HEPHL1: variants seen among roughly 807,000 people sequenced by gnomAD.
The protein encoded by HEPHL1 is hephaestin like 1.
HEPHL1 carries 123 observed loss-of-function variants against 122.0 expected under a neutral mutation model. The ratio of observed to expected loss-of-function variants is 1.01; its 90% confidence interval spans 0.87 to 1.17. HEPHL1 has a LOEUF of 1.17. HEPHL1 is among the 50% of genes most tolerant of loss of function. The probability of loss-of-function intolerance (pLI) is 0.00; values close to 1 mark genes in which losing one functional copy is unlikely to be tolerated. For missense variants in HEPHL1, 1,452 were observed against 1,430.5 expected (o/e 1.01, Z -0.24); for synonymous variants, 527 against 508.9 (o/e 1.04, Z -0.48).
intron 1 of HEPHL1, among the ~76,000 whole-genome samples, chr11:94,025,359 C>T (rs906391996): frequency 2.0e-5 from 3 of 152,024 alleles, no homozygotes; most frequent in African/African-American, 7.3e-5. Context: ...CTATTTATAC[C>T]AGTCCTGCTC....
At chr11:94,075,146 T>G (rs1415971556) in intron 8 of HEPHL1, 28 bp from the exon 9 acceptor site, 1 of 1,593,146 alleles carries the variant, frequency 6.3e-7, no homozygotes, top group Admixed American at 1.7e-5. Context: ...CCTGTTGTTT[T>G]GAATAATTGT....
At chr11:94,063,798 G>T (rs1946009444) in intron 3 of HEPHL1, 78 bp downstream of exon 3, 8 of 1,198,404 alleles carry the variant, frequency 6.7e-6, no homozygotes, top group Non-Finnish European at 3.7e-6. Flanking sequence ...TACCTCCTTT[G>T]CTCCACACAG....
At chr11:94,061,725 T>C (rs1349456188) in intron 2 of HEPHL1, among the ~76,000 whole-genome samples, 1 of 152,188 alleles carries the variant, frequency 6.6e-6, no homozygotes, top group Non-Finnish European at 1.5e-5. Flanking sequence ...TCACCTCGTA[T>C]TGAGAGAAAA....
intron 2 of HEPHL1, 23 bp from the exon 3 acceptor site, chr11:94,063,485 T>A: frequency 6.5e-7 from 1 of 1,535,204 alleles, no homozygotes; most frequent in East Asian, 2.4e-5. Flanking sequence ...TTTACCTTTT[T>A]TTTTAATTTT....
chr11:94,083,331 T>A (rs540937618), intron 10 of HEPHL1, among the ~76,000 whole-genome samples: 1 of 152,320 alleles, frequency 6.6e-6, no homozygotes, highest in South Asian at 2.1e-4. Context: ...CAGATCTTCA[T>A]TTGAGAGGAA....
At chr11:94,044,869 C>T (rs910951807) in intron 1 of HEPHL1, among the ~76,000 whole-genome samples, 1 of 150,982 alleles carries the variant, frequency 6.6e-6, no homozygotes, top group African/African-American at 2.4e-5. Context: ...CTCAAGTGAT[C>T]CTCCCACCTT....
intron 1 of HEPHL1, among the ~76,000 whole-genome samples, chr11:94,028,566 T>C (rs1423012051): frequency 6.6e-6 from 1 of 152,218 alleles, no homozygotes; most frequent in Non-Finnish European, 1.5e-5. Context: ...ATCTTGTCTT[T>C]AAGGCAGTTG....
intron 16 of HEPHL1, among the ~76,000 whole-genome samples, chr11:94,105,170 A>G (rs1284408837): frequency 6.6e-6 from 1 of 152,242 alleles, no homozygotes; most frequent in Non-Finnish European, 1.5e-5. Flanking sequence ...TTACTTCTAC[A>G]TAATTTAAGG....
In HEPHL1 at chr11:94,097,464, G is replaced by A. The variant is rs538431551; in HGVS notation, c.2435-3731G>A. ...ATGTGGTCAGTTTTGGAATAAGTGC[G>A]ATGTGGTGCTGAGAAGAATGTTTAT... On this transcript the variant is annotated intron_variant, in intron 13 of 19. Transcript: ENST00000315765. 2.6e-4 allele frequency among the ~76,000 whole-genome samples: 40 copies of A among 152,294 alleles called. 2 individuals carry two copies. The South Asian group carries it at 3.7e-3, about 14-fold the overall frequency.
rs540234206 is a variant in HEPHL1 at position 94,049,318 on chromosome 11, C to T, written c.415+3401C>T. ...CTATTATCAAAAAGACAAAAAGTAC[C>T]CCCTCCAAACCCAAAAAACAAAAAC... On this transcript the variant is annotated intron_variant, in intron 2 of 19. Coordinates refer to ENST00000315765, the MANE Select transcript of HEPHL1 (RefSeq NM_001098672.2). 0.011 allele frequency among the ~76,000 whole-genome samples: 8 copies of T among 744 alleles called. No homozygotes were observed. The South Asian group carries it at 0.28, about 26-fold the overall frequency. The allele number at this position is 744 out of a possible 152,430, so 0.5% of individuals were successfully genotyped here.
At chr11:94,084,521 A>G (rs925645712) in intron 10 of HEPHL1, among the ~76,000 whole-genome samples, 9 of 152,140 alleles carry the variant, frequency 5.9e-5, no homozygotes, top group African/African-American at 2.2e-4. Context: ...CAAAGCCAAA[A>G]AGAAAGGGCC....
At chr11:94,080,783 G>A (rs745715417) in intron 9 of HEPHL1, among the ~76,000 whole-genome samples, 8 of 152,080 alleles carry the variant, frequency 5.3e-5, no homozygotes, top group Non-Finnish European at 1.0e-4. Context: ...TTAAAAAGTC[G>A]AGAAATGGCA....
chr11:94,022,587 A>G (rs1001383519), intron 1 of HEPHL1, among the ~76,000 whole-genome samples: 6 of 152,260 alleles, frequency 3.9e-5, no homozygotes, highest in Non-Finnish European at 8.8e-5. Context: ...CAAAGGTGGT[A>G]TAGTCATGTT....
Position 94,073,132 on chromosome 11 carries a change from T to C in HEPHL1, c.1340T>C (p.Leu447Pro). Reference sequence around the variant, plus strand: ...GCAACTTTTACTAAAAGAAAGAGACTCTCTGCTGAAGAAGCCCATCTTGGA... The same window carrying C: ...GCAACTTTTACTAAAAGAAAGAGACCCTCTGCTGAAGAAGCCCATCTTGGA... Reference protein sequence around the residue: ...VDATFTKRKRLSAEEAHLGIL... With the variant: ...VDATFTKRKRPSAEEAHLGIL... The change falls in exon 7 of 20, where the codon CTC becomes CCC. Residue 447 changes from leucine (L) to proline (P), a missense_variant. Physicochemically the swap from Leu to Pro is moderately conservative, Grantham distance 98 (BLOSUM62 -3). Coordinates refer to ENST00000315765, the MANE Select transcript of HEPHL1 (RefSeq NM_001098672.2). 6.2e-7 allele frequency: 1 copy of C among 1,613,200 alleles called. No individual in the cohort carries two copies. The highest frequency in any genetic ancestry group is 8.5e-7 in the Non-Finnish European group (1 of 1,179,462).
chr11:94,067,797 C>G (rs770161860), intron 5 of HEPHL1, 47 bp downstream of exon 5: 10 of 1,575,992 alleles, frequency 6.3e-6, no homozygotes, highest in South Asian at 1.1e-5. Context: ...ATGGTACAAT[C>G]AAACCACACA....
chr11:94,107,085 C>T (rs567410085), intron 17 of HEPHL1, among the ~76,000 whole-genome samples: 1 of 152,146 alleles, frequency 6.6e-6, no homozygotes, highest in African/African-American at 2.4e-5. Flanking sequence ...GTCTGTCATC[C>T]GAAGTTCTCA....
At chr11:94,109,786 T>C (rs1946435049) in intron 17 of HEPHL1, among the ~76,000 whole-genome samples, 1 of 152,232 alleles carries the variant, frequency 6.6e-6, no homozygotes, top group Non-Finnish European at 1.5e-5. Context: ...GTATTGATTG[T>C]AGCTTTTTTT....
chr11:94,070,393 C>A lies in HEPHL1; in HGVS notation c.1083C>A (p.Tyr361Ter). The A allele has an allele frequency of 6.3e-7, 1 of 1,598,080 alleles. No individual in the cohort carries two copies. Among genetic ancestry groups the A allele is most frequent in the Admixed American group, 1.7e-5 (1 of 57,688 alleles). ...CTGCAGCTGGTATGCTGGGGCAATACAATGTTGATAACTGCAAAAGTGATA... is the reference window on the plus strand; with the variant it reads ...CTGCAGCTGGTATGCTGGGGCAATAAAATGTTGATAACTGCAAAAGTGATA... Reference protein sequence around the residue: ...DHLQAGMLGQYNVDNCKSDIF... With the variant: ...DHLQAGMLGQ The change falls in exon 6 of 20, where the codon TAC becomes TAA. Residue 361 changes from tyrosine to a stop codon, truncating the protein, a stop_gained. Coordinates refer to ENST00000315765, the MANE Select transcript of HEPHL1 (RefSeq NM_001098672.2). LOFTEE classifies it high-confidence loss of function.
At chr11:94,024,008 G>T (rs111502444) in intron 1 of HEPHL1, among the ~76,000 whole-genome samples, 1 of 152,166 alleles carries the variant, frequency 6.6e-6, no homozygotes, top group African/African-American at 2.4e-5. Flanking sequence ...TTCAGTGTGT[G>T]TACTCTGTGT....
Sources: gnomAD v4.1 joint callset for allele counts (sites outside exome capture counted in the v4.1 genomes callset) on GRCh38, gnomAD v4.1.1 for gene constraint, MANE v1.5 for transcripts, NCBI Gene and HGNC (gene_info 2026-07-23, HGNC 2026-07-21) for gene names.